Variants in MAF observed in about 807,000 individuals in gnomAD.
MAF encodes MAF bZIP transcription factor.
In MAF, 10 loss-of-function variants were observed where a neutral mutation model predicts 22.0. The ratio of observed to expected loss-of-function variants is 0.45; its 90% CI spans 0.28 to 0.77. The LOEUF (loss-of-function observed/expected upper bound fraction) is 0.77. Among genes scored for constraint, MAF ranks in the 30% least tolerant of loss-of-function variants. The probability of loss-of-function intolerance (pLI) is 0.12; values close to 1 mark genes in which losing one functional copy is unlikely to be tolerated. For synonymous variants in MAF, 337 were observed against 255.8 expected (o/e 1.32, Z -3.03); for missense variants, 544 against 548.4 (o/e 0.99, Z 0.08).
chr16:79,282,946 C>T, the MAF span, among the ~76,000 whole-genome samples: 1 of 152,068 alleles, frequency 6.6e-6, no homozygotes, highest in Non-Finnish European at 1.5e-5. Flanking sequence ...CATGAAGCAG[C>T]AAAAATGACA....
the MAF span, among the ~76,000 whole-genome samples, chr16:79,540,889 C>G: frequency 6.6e-6 from 1 of 151,854 alleles, no homozygotes; most frequent in Non-Finnish European, 1.5e-5. Flanking sequence ...AATTATTACT[C>G]TTTACTGCTA....
chr16:79,291,362 C>T, the MAF span, among the ~76,000 whole-genome samples: 2 of 152,134 alleles, frequency 1.3e-5, no homozygotes, highest in Admixed American at 6.5e-5. Context: ...GGTGTCATGT[C>T]ACCTTGTTGG....
chr16:79,564,246 G>T, the MAF span, among the ~76,000 whole-genome samples: 2 of 152,206 alleles, frequency 1.3e-5, no homozygotes, highest in African/African-American at 2.4e-5. Flanking sequence ...AAGACGGAAG[G>T]AGTATTTCTT....
At chr16:79,361,434 G>A in the MAF span, among the ~76,000 whole-genome samples, 1 of 152,174 alleles carries the variant, frequency 6.6e-6, no homozygotes, top group South Asian at 2.1e-4. Flanking sequence ...TAAGGAGGCT[G>A]AGGCATGGTG....
the MAF span, among the ~76,000 whole-genome samples, chr16:79,219,548 CAAAAAAAAAA>C: frequency 4.9e-4 from 32 of 64,734 alleles, no homozygotes; most frequent in East Asian, 2.7e-3. Flanking sequence ...GACTCTGCCT[CAAAAAAAAAA>C]AAAAAAAAAA....
At chr16:79,221,935 A>G in the MAF span, among the ~76,000 whole-genome samples, 1 of 152,102 alleles carries the variant, frequency 6.6e-6, no homozygotes, top group Non-Finnish European at 1.5e-5. Context: ...TTCATTAGCT[A>G]TTTGTTAATA....
chr16:79,298,954 C>T, the MAF span, among the ~76,000 whole-genome samples: 1 of 152,276 alleles, frequency 6.6e-6, no homozygotes, highest in African/African-American at 2.4e-5. Context: ...CTCTCAGCCC[C>T]CTGAGCGCCT....
the MAF span, among the ~76,000 whole-genome samples, chr16:79,273,948 C>CAT: frequency 9.0e-6 from 1 of 110,770 alleles, no homozygotes; most frequent in African/African-American, 3.2e-5. Flanking sequence ...TTCGTGTCTG[C>CAT]CTTTTTTTTT....
chr16:79,274,955 A>G, the MAF span, among the ~76,000 whole-genome samples: 47 of 152,356 alleles, frequency 3.1e-4, 1 homozygote, highest in Middle Eastern at 6.8e-3. Flanking sequence ...TCTCTGAGCT[A>G]TAACATAAAG....
chr16:79,476,881 G>A, the MAF span, among the ~76,000 whole-genome samples: 1 of 152,110 alleles, frequency 6.6e-6, no homozygotes, highest in Non-Finnish European at 1.5e-5. Context: ...CATTTCCTGC[G>A]GGAGCTCCTG....
chr16:79,211,708 C>T, the MAF span: 1 of 1,614,222 alleles, frequency 6.2e-7, no homozygotes. Flanking sequence ...ATGCCCTCAC[C>T]AGAAGCTCAG....
chr16:79,206,627 C>T, the MAF span: 8 of 152,214 alleles, frequency 5.3e-5, no homozygotes, highest in Admixed American at 4.6e-4. Context: ...AAAAGCCGGG[C>T]AGTTTGCAGG....
the MAF span, among the ~76,000 whole-genome samples, chr16:79,517,930 C>T: frequency 6.6e-6 from 1 of 152,136 alleles, no homozygotes; most frequent in Non-Finnish European, 1.5e-5. Context: ...CAATAGTGGA[C>T]CAAGGGCAGG....
chr16:79,313,832 A>G, the MAF span, among the ~76,000 whole-genome samples: 2,423 of 152,286 alleles, frequency 0.016, 16 homozygotes, highest in Middle Eastern at 0.044. Flanking sequence ...TCAGGGGGAT[A>G]GAGGTGTAAG....
chr16:79,404,054 C>A, the MAF span, among the ~76,000 whole-genome samples: 3 of 152,108 alleles, frequency 2.0e-5, no homozygotes, highest in African/African-American at 4.8e-5. Flanking sequence ...TTTGAAGAAA[C>A]CCTGTGAAAC....
the MAF span, among the ~76,000 whole-genome samples, chr16:79,540,692 T>A: frequency 1.3e-5 from 2 of 152,182 alleles, no homozygotes; most frequent in African/African-American, 2.4e-5. Flanking sequence ...CTAATGAGGT[T>A]GACAATGTAG....
chr16:79,232,775 C>G, the MAF span, among the ~76,000 whole-genome samples: 1 of 151,640 alleles, frequency 6.6e-6, no homozygotes, highest in Admixed American at 6.6e-5. Context: ...ATGCAGAAGT[C>G]CCTGAAATAA....
chr16:79,475,002 A>T, the MAF span, among the ~76,000 whole-genome samples: 56,386 of 152,178 alleles, frequency 0.37, 11,973 homozygotes, highest in Middle Eastern at 0.49. Context: ...TGGTAGCAGA[A>T]GATGTTCATT....
the MAF span, among the ~76,000 whole-genome samples, chr16:79,207,733 G>C: frequency 5.3e-4 from 81 of 152,150 alleles, no homozygotes; most frequent in African/African-American, 1.9e-3. Flanking sequence ...ATGTGTCCCT[G>C]TGAGTATTAT....
Sources: allele counts gnomAD v4.1 joint callset (sites outside exome capture counted in the v4.1 genomes callset), GRCh38; gene constraint gnomAD v4.1.1; transcripts MANE v1.5; gene names NCBI Gene and HGNC (gene_info 2026-07-23, HGNC 2026-07-21).